GRID2: variants seen among roughly 807,000 people sequenced by gnomAD.
The protein encoded by GRID2 is glutamate ionotropic receptor delta type subunit 2, also known as glutamate receptor ionotropic, delta-2.
In GRID2, 33 loss-of-function variants were observed where a neutral mutation model predicts 114.8. The ratio of observed to expected loss-of-function variants is 0.29; its 90% CI spans 0.22 to 0.38. GRID2 has a LOEUF of 0.38. Ranked by LOEUF, GRID2 falls within the 10% of genes least tolerant of loss-of-function variation. The probability of loss-of-function intolerance (pLI) is 1.00; values close to 1 mark genes in which losing one functional copy is unlikely to be tolerated. For synonymous variants in GRID2, 505 were observed against 449.9 expected, an observed-to-expected ratio of 1.12 and a Z score of -1.55; for missense variants, 1,184 against 1,257.7, an observed-to-expected ratio of 0.94 and a Z score of 0.89.
chr4:93,361,082 G>C (rs1300853840), intron 8 of GRID2, among the ~76,000 whole-genome samples: 4 of 151,534 alleles, frequency 2.6e-5, no homozygotes, highest in Non-Finnish European at 4.4e-5. Context: ...ATTACAATAG[G>C]TAACACTTAT....
chr4:92,887,488 A>G (rs1177520522), intron 2 of GRID2, among the ~76,000 whole-genome samples: 1 of 152,114 alleles, frequency 6.6e-6, no homozygotes, highest in African/African-American at 2.4e-5. Flanking sequence ...TGTCATGTTC[A>G]TTGTGTCACT....
intron 13 of GRID2, among the ~76,000 whole-genome samples, chr4:93,594,188 A>G: frequency 7.4e-6 from 1 of 134,254 alleles, no homozygotes; most frequent in Non-Finnish European, 1.6e-5. Flanking sequence ...TTGTGGTTTT[A>G]TCTACTTTTG....
At chr4:92,530,712 C>T (rs1725303009) in intron 1 of GRID2, among the ~76,000 whole-genome samples, 1 of 144,136 alleles carries the variant, frequency 6.9e-6, no homozygotes, top group African/African-American at 2.6e-5. Flanking sequence ...TCAGACTGAC[C>T]AACATAGTGA....
intron 1 of GRID2, among the ~76,000 whole-genome samples, chr4:92,421,750 T>C (rs1731920606): frequency 6.6e-6 from 1 of 152,098 alleles, no homozygotes; most frequent in Non-Finnish European, 1.5e-5. Context: ...CACTTTCCTA[T>C]CCCAAATCTT....
intron 8 of GRID2, among the ~76,000 whole-genome samples, chr4:93,314,259 C>T (rs377057442): frequency 8.4e-5 from 11 of 131,732 alleles, no homozygotes; most frequent in South Asian, 2.4e-4. Context: ...GAGCCAAGAT[C>T]GTACACCGCA....
At chr4:93,031,669 TAAG>T (rs1303759390) in intron 2 of GRID2, among the ~76,000 whole-genome samples, 2 of 152,118 alleles carry the variant, frequency 1.3e-5, no homozygotes, top group African/African-American at 4.8e-5. Context: ...TGCCACCATG[TAAG>T]ATGATGTCCT....
intron 2 of GRID2, among the ~76,000 whole-genome samples, chr4:93,082,135 T>C (rs548159244): frequency 9.8e-5 from 15 of 152,340 alleles, no homozygotes; most frequent in Non-Finnish European, 1.8e-4. Context: ...CGTTCTTATA[T>C]GTGCACAACT....
At chr4:93,217,073 G>A (rs745866224) in intron 6 of GRID2, 162 bp downstream of exon 6, 1 of 476,882 alleles carries the variant, frequency 2.1e-6, no homozygotes, top group Non-Finnish European at 3.7e-6. Flanking sequence ...CTAAGAATTT[G>A]CGTCTTTGTT....
chr4:92,928,565 T>C (rs551599777), intron 2 of GRID2, among the ~76,000 whole-genome samples: 61 of 151,792 alleles, frequency 4.0e-4, no homozygotes, highest in African/African-American at 1.4e-3. Flanking sequence ...TTTTCTTGCC[T>C]TTATTGAACT....
At chr4:92,745,136 T>G (rs947153893) in intron 2 of GRID2, among the ~76,000 whole-genome samples, 2 of 152,214 alleles carry the variant, frequency 1.3e-5, no homozygotes, top group African/African-American at 4.8e-5. Context: ...AAACTTGTAG[T>G]GTCCAAATGT....
intron 2 of GRID2, among the ~76,000 whole-genome samples, chr4:92,717,685 A>T (rs1024405828): frequency 2.6e-5 from 4 of 152,222 alleles, no homozygotes; most frequent in Non-Finnish European, 5.9e-5. Flanking sequence ...TAAAAAGAAT[A>T]TGCAGTTGTC....
chr4:92,438,445 C>G (rs1732844783), intron 1 of GRID2, among the ~76,000 whole-genome samples: 1 of 151,808 alleles, frequency 6.6e-6, no homozygotes, highest in African/African-American at 2.4e-5. Context: ...TATCTAACAC[C>G]AATTTTCTTG....
intron 1 of GRID2, among the ~76,000 whole-genome samples, chr4:92,515,652 A>G (rs1356607869): frequency 6.6e-6 from 1 of 151,888 alleles, no homozygotes; most frequent in Non-Finnish European, 1.5e-5. Flanking sequence ...GATAAAATCT[A>G]CCTTGGGTAT....
In GRID2 at chr4:93,128,027, C is replaced by CAAAAAAAAAAAAA. The variant is rs1008311457; in HGVS notation, c.735+17094_735+17106dup. ...CAGAGTAAGACCTTGTCCCCCGCAA[C>CAAAAAAAAAAAAA]AAAAAAAAAAAAAAAAAAAAAAAAA... On this transcript the variant is annotated intron_variant, in intron 4 of 15. Transcript: ENST00000282020. 3.3e-3 allele frequency among the ~76,000 whole-genome samples: 67 copies of CAAAAAAAAAAAAA among 20,324 alleles called. 8 individuals carry two copies. Among genetic ancestry groups the CAAAAAAAAAAAAA allele is most frequent in the African/African-American group, 0.01 (62 of 5,946 alleles). 13.3% of individuals were successfully genotyped at this position (20,324 alleles called of 152,430 possible). A position where few individuals can be genotyped will look rare whatever the true frequency, so the allele number is the denominator to read the frequency against.
At chr4:93,446,283 G>A (rs972162716) in intron 10 of GRID2, among the ~76,000 whole-genome samples, 7 of 151,940 alleles carry the variant, frequency 4.6e-5, no homozygotes, top group Admixed American at 2.6e-4. Context: ...TGCTCTGTTT[G>A]TATCACATTG....
chr4:93,572,184 C>T (rs1031768303), intron 13 of GRID2, among the ~76,000 whole-genome samples: 1 of 151,964 alleles, frequency 6.6e-6, no homozygotes, highest in African/African-American at 2.4e-5. Flanking sequence ...ATAAAGACAT[C>T]GGCAAAACTC....
At chr4:92,478,598 CAA>C (rs764648179) in intron 1 of GRID2, among the ~76,000 whole-genome samples, 2 of 152,064 alleles carry the variant, frequency 1.3e-5, no homozygotes, top group Non-Finnish European at 2.9e-5. Context: ...CCATTGAAAA[CAA>C]GTTCTTTAGG....
intron 2 of GRID2, among the ~76,000 whole-genome samples, chr4:92,956,211 T>C (rs951139285): frequency 6.6e-6 from 1 of 152,202 alleles, no homozygotes; most frequent in Non-Finnish European, 1.5e-5. Context: ...CTTGCTACAA[T>C]TGATGAAGAT....
intron 1 of GRID2, among the ~76,000 whole-genome samples, chr4:92,585,298 T>C (rs10856895): frequency 0.38 from 57,689 of 151,810 alleles, 10,962 homozygotes; most frequent in Middle Eastern, 0.46. Flanking sequence ...GTAGCATCTT[T>C]GCTAACTTTC....
Sources: gnomAD v4.1 joint callset for allele counts (sites outside exome capture counted in the v4.1 genomes callset) on GRCh38, gnomAD v4.1.1 for gene constraint, MANE v1.5 for transcripts, NCBI Gene and HGNC (gene_info 2026-07-23, HGNC 2026-07-21) for gene names.